COL4A1: variants seen among roughly 807,000 people sequenced by gnomAD.
COL4A1 encodes the protein collagen type IV alpha 1 chain.
In COL4A1, 40 loss-of-function variants were observed where a neutral mutation model predicts 216.6. The ratio of observed to expected loss-of-function variants is 0.18; its 90% CI spans 0.14 to 0.24. The LOEUF (loss-of-function observed/expected upper bound fraction) is 0.24, where lower values mean the gene tolerates loss of function less well. Among genes scored for constraint, COL4A1 ranks in the 10% least tolerant of loss-of-function variants. The pLI is 1.00. For missense variants in COL4A1, 1,628 were observed against 2,196.8 expected (o/e 0.74, Z 5.18); for synonymous variants, 839 against 810.7 (o/e 1.03, Z -0.59).
chr13:110,181,553 G>A (rs960004932), intron 28 of COL4A1, among the ~76,000 whole-genome samples, 164 bp from the exon 29 acceptor site: 2 of 152,168 alleles, frequency 1.3e-5, no homozygotes, highest in Non-Finnish European at 2.9e-5. Flanking sequence ...AGGGGAGACT[G>A]CCCGGCAGAG....
rs1876420085 is a variant in COL4A1, at chr13:110,149,892, A to C, written c.*471T>G. The C allele has an allele frequency of 5.3e-6, 1 of 187,574 alleles. No homozygotes were observed. Among genetic ancestry groups the C allele is most frequent in the African/African-American group, 2.4e-5 (1 of 42,256 alleles). The allele number at this position is 187,574 out of a possible 1,614,324, so 11.6% of individuals were successfully genotyped here. A position where few individuals can be genotyped will look rare whatever the true frequency, so the allele number is the denominator to read the frequency against. ...GTAATTCCATTTGGAGGTTCAAAAA[A>C]CCATTTTTACATTGCTATTATTTGT... On this transcript the variant is annotated 3_prime_UTR_variant, in exon 52 of 52. Transcript: ENST00000375820.
chr13:110,166,505 ACATATACACACATATATG>A (rs1160837911), intron 44 of COL4A1, among the ~76,000 whole-genome samples: 4 of 152,238 alleles, frequency 2.6e-5, no homozygotes, highest in Admixed American at 2.0e-4. Context: ...ATATACACAT[ACATATACACACATATATG>A]CATATATACA....
At chr13:110,267,417 T>A (rs761605122) in intron 1 of COL4A1, among the ~76,000 whole-genome samples, 1 of 152,144 alleles carries the variant, frequency 6.6e-6, no homozygotes, top group Non-Finnish European at 1.5e-5. Flanking sequence ...ACAGCTGTCA[T>A]CTCAGTGCCT....
At chr13:110,195,844 A>C (rs912686994) in intron 21 of COL4A1, among the ~76,000 whole-genome samples, 1 of 152,198 alleles carries the variant, frequency 6.6e-6, no homozygotes, top group African/African-American at 2.4e-5. Flanking sequence ...GCATAACCCT[A>C]ACACTCATGC....
At chr13:110,220,452 T>C (rs1880420501) in intron 2 of COL4A1, among the ~76,000 whole-genome samples, 2 of 152,208 alleles carry the variant, frequency 1.3e-5, no homozygotes, top group Admixed American at 1.3e-4. Flanking sequence ...CCAGAACGGC[T>C]TGTGGCTCCT....
At position 110,167,047 on chromosome 13, in the gene COL4A1, C is replaced by T. The variant is rs41275088; in HGVS notation, c.3949+111G>A. On this transcript the variant is annotated intron_variant, in intron 44 of 51. Transcript: ENST00000375820. ...TTTTAATTTGAAGAGAACAGTATCT[C>T]GTGCTATAATGGCAGCGGTGCTATC... 8.5e-4 allele frequency: 736 copies of T among 868,576 alleles called. 1 individual carries two copies. The highest frequency in any genetic ancestry group is 1.3e-3 in the Non-Finnish European group (639 of 503,180). 53.8% of individuals were successfully genotyped at this position (868,576 alleles called of 1,614,324 possible). A position where few individuals can be genotyped will look rare whatever the true frequency, so the allele number is the denominator to read the frequency against.
At chr13:110,238,981 G>T (rs1480061084) in intron 2 of COL4A1, among the ~76,000 whole-genome samples, 1 of 152,094 alleles carries the variant, frequency 6.6e-6, no homozygotes, top group Non-Finnish European at 1.5e-5. Flanking sequence ...CCACACTGCC[G>T]CAGTCTCTGG....
chr13:110,245,032 A>G (rs1881732825), intron 1 of COL4A1, among the ~76,000 whole-genome samples: 2 of 152,144 alleles, frequency 1.3e-5, no homozygotes, highest in African/African-American at 4.8e-5. Context: ...ACAACTGTAG[A>G]TGGAAATCCA....
At chr13:110,256,495 C>T (rs950588490) in intron 1 of COL4A1, among the ~76,000 whole-genome samples, 1 of 152,118 alleles carries the variant, frequency 6.6e-6, no homozygotes, top group Non-Finnish European at 1.5e-5. Context: ...GACCTCAGAG[C>T]CCAGAACCAC....
chr13:110,183,284 A>C lies in COL4A1; in HGVS notation c.1898-8T>G. On this transcript the variant is annotated splice_region_variant and splice_polypyrimidine_tract_variant and intron_variant, in intron 26 of 51. Transcript: ENST00000375820. ...CTGGTTCACCCTTTGGACCTAGAGG[A>C]AAAAAAGAGCAAAGACAAACGATGA... 6.2e-7 allele frequency: 1 copy of C among 1,610,472 alleles called. No individual in the cohort carries two copies. Among genetic ancestry groups the C allele is most frequent in the Non-Finnish European group, 8.5e-7 (1 of 1,178,214 alleles).
chr13:110,291,048 T>G (rs1303699246), intron 1 of COL4A1, among the ~76,000 whole-genome samples: 1 of 152,212 alleles, frequency 6.6e-6, no homozygotes, highest in Non-Finnish European at 1.5e-5. Context: ...CTGAATCACG[T>G]GCACAGACGT....
At chr13:110,190,788 C>T (rs944903039) in intron 24 of COL4A1, 5 of 152,104 alleles carry the variant, frequency 3.3e-5, no homozygotes, top group Non-Finnish European at 5.9e-5. Flanking sequence ...TTTCCAACTC[C>T]GGAAAGAAAG....
At chr13:110,209,482 G>T in intron 10 of COL4A1, 55 bp from the exon 11 acceptor site, 2 of 1,258,668 alleles carry the variant, frequency 1.6e-6, no homozygotes, top group South Asian at 2.6e-5. Context: ...GGAGCTTTAA[G>T]CCCTTCTTCA....
intron 18 of COL4A1, among the ~76,000 whole-genome samples, chr13:110,202,423 A>G (rs1332315334): frequency 6.6e-6 from 1 of 152,192 alleles, no homozygotes; most frequent in African/African-American, 2.4e-5. Context: ...CAATTAATAG[A>G]TATTATTAAA....
chr13:110,231,225 A>G (rs574890872), intron 2 of COL4A1, among the ~76,000 whole-genome samples: 3 of 152,360 alleles, frequency 2.0e-5, no homozygotes, highest in Admixed American at 2.0e-4. Flanking sequence ...AGAGTCAAAC[A>G]GCGACAAACA....
chr13:110,210,360 C>G (rs866347796), intron 8 of COL4A1, 148 bp from the exon 9 acceptor site: 1 of 770,948 alleles, frequency 1.3e-6, no homozygotes, highest in African/African-American at 1.7e-5. Context: ...AAATCAATAG[C>G]CTGGCCATCT....
chr13:110,213,163 T>A (rs1365779336), intron 4 of COL4A1, among the ~76,000 whole-genome samples: 1 of 151,884 alleles, frequency 6.6e-6, no homozygotes, highest in African/African-American at 2.4e-5. Flanking sequence ...ACGTAACAGG[T>A]AGAGCGTACA....
In COL4A1 at chr13:110,210,053, T is replaced by C. The variant is rs1028602328; in HGVS notation, c.553-11A>G. On this transcript the variant is annotated splice_polypyrimidine_tract_variant and intron_variant, in intron 9 of 51. Transcript: ENST00000375820. Reference sequence around the variant, plus strand: ...CAGTCCTGGTGGGCCCTAGAATGCATGAGAAAGAAATGAGTTCAGATGCGA... The same window carrying C: ...CAGTCCTGGTGGGCCCTAGAATGCACGAGAAAGAAATGAGTTCAGATGCGA... The C allele has an allele frequency of 6.2e-7, 1 of 1,613,816 alleles. No individual in the cohort carries two copies. Among genetic ancestry groups the C allele is most frequent in the Non-Finnish European group, 8.5e-7 (1 of 1,179,928 alleles).
intron 1 of COL4A1, among the ~76,000 whole-genome samples, chr13:110,265,005 G>A (rs149080219): frequency 1.3e-5 from 2 of 152,234 alleles, no homozygotes; most frequent in South Asian, 2.1e-4. Flanking sequence ...AAGTGCTGCT[G>A]CAGCTCAGCC....
Sources: allele counts gnomAD v4.1 joint callset (sites outside exome capture counted in the v4.1 genomes callset), GRCh38; gene constraint gnomAD v4.1.1; transcripts MANE v1.5; gene names NCBI Gene and HGNC (gene_info 2026-07-23, HGNC 2026-07-21).